LRRC1: variants seen among roughly 807,000 people sequenced by gnomAD.
LRRC1 encodes leucine rich repeat containing 1.
In LRRC1, 28 loss-of-function variants were observed where a neutral mutation model predicts 69.9. That is an observed-to-expected ratio of 0.40 (90% confidence interval 0.30 to 0.55). LRRC1 has a LOEUF of 0.55. Among genes scored for constraint, LRRC1 ranks in the 20% least tolerant of loss-of-function variants. The pLI is 0.47. For synonymous variants in LRRC1, 236 were observed against 240.2 expected, an observed-to-expected ratio of 0.98 and a Z score of 0.16; for missense variants, 498 against 609.0, an observed-to-expected ratio of 0.82 and a Z score of 1.92.
chr6:53,855,622 T>C (rs1193947302), intron 2 of LRRC1, among the ~76,000 whole-genome samples: 5 of 152,198 alleles, frequency 3.3e-5, no homozygotes, highest in African/African-American at 4.8e-5. Flanking sequence ...GTGGTGTGCC[T>C]GTTTACCTGG....
chr6:53,842,926 T>C (rs1241399328), intron 2 of LRRC1, among the ~76,000 whole-genome samples: 1 of 152,246 alleles, frequency 6.6e-6, no homozygotes, highest in Non-Finnish European at 1.5e-5. Flanking sequence ...TCCTAATAGA[T>C]ACCCCAATGG....
At chr6:53,887,802 G>A (rs1193482520) in intron 4 of LRRC1, among the ~76,000 whole-genome samples, 2 of 152,094 alleles carry the variant, frequency 1.3e-5, no homozygotes, top group African/African-American at 4.8e-5. Context: ...AAAAAGTTGG[G>A]GTATAATTAA....
chr6:53,879,034 C>A lies in LRRC1; in HGVS notation c.319C>A (p.Leu107Met), dbSNP rs1383045350. 1 of 1,613,402 alleles carries A rather than the reference C, an allele frequency of 6.2e-7. No homozygotes were observed. ...AGAAAGCATTTCATTCTGTAAAGCACTGCAGGTAGCTGACTTCAGCGGAAA... is the reference window on the plus strand; with the variant it reads ...AGAAAGCATTTCATTCTGTAAAGCAATGCAGGTAGCTGACTTCAGCGGAAA... Reference protein sequence around the residue: ...IPESISFCKALQVADFSGNPL... With the variant: ...IPESISFCKAMQVADFSGNPL... Residue 107 changes from leucine (L) to methionine (M), a missense_variant, in exon 3 of 14, where the codon CTG becomes ATG. By Grantham distance (15) the Leu-to-Met change is conservative. Transcript: ENST00000370888.
At chr6:53,914,010 A>C (rs1264491031) in intron 11 of LRRC1, 41 bp downstream of exon 11, 1 of 1,358,052 alleles carries the variant, frequency 7.4e-7, no homozygotes, top group South Asian at 1.2e-5. Flanking sequence ...GGAAACAAAT[A>C]TACATACATC....
In LRRC1 at chr6:53,795,188, C is replaced by T. The variant is rs1324795008; in HGVS notation, c.-69C>T. 3 of 1,417,690 alleles carry T rather than the reference C, an allele frequency of 2.1e-6. No individual in the cohort carries two copies. Among genetic ancestry groups the T allele is most frequent in the Non-Finnish European group, 2.8e-6 (3 of 1,062,514 alleles). The allele number at this position is 1,417,690 out of a possible 1,614,324, so 87.8% of individuals were successfully genotyped here. ...AGGGCAGCGGACTGAGCGGAGCCGC[C>T]GGCCAGAGCGGGCTCGGAGCCCGGG... On this transcript the variant is annotated 5_prime_UTR_variant, in exon 1 of 14. Transcript: ENST00000370888.
chr6:53,904,784 A>G (rs1417803217), intron 10 of LRRC1: 1 of 168,272 alleles, frequency 5.9e-6, no homozygotes, highest in East Asian at 1.6e-4. Flanking sequence ...GAGGAAGTGG[A>G]TGCCTTTGGG....
chr6:53,908,695 C>A (rs1768314603), intron 10 of LRRC1, among the ~76,000 whole-genome samples: 1 of 152,156 alleles, frequency 6.6e-6, no homozygotes, highest in Middle Eastern at 3.4e-3. Flanking sequence ...CCTTTACTTT[C>A]TTGAAAGGGG....
In LRRC1 at chr6:53,811,347, G is replaced by A. The variant is rs113560992; in HGVS notation, c.159+15932G>A. On this transcript the variant is annotated intron_variant, in intron 1 of 13. Coordinates refer to ENST00000370888, the MANE Select transcript of LRRC1 (RefSeq NM_018214.5). ...TGTTTGCTATCCACCTGAGAGGCAG[G>A]TGACGATGGTGGCTGAGTCAGCATG... Among the ~76,000 whole-genome samples, 1,223 of 152,318 alleles carry A rather than the reference G, an allele frequency of 8.0e-3. 11 individuals are homozygous for A. The highest frequency in any genetic ancestry group is 0.027 in the African/African-American group (1,112 of 41,570).
chr6:53,857,628 C>T, intron 2 of LRRC1, among the ~76,000 whole-genome samples: 1 of 152,176 alleles, frequency 6.6e-6, no homozygotes, highest in East Asian at 1.9e-4. Flanking sequence ...GCAGCACATT[C>T]AGAAGGGCTG....
chr6:53,802,365 C>T (rs982895173), intron 1 of LRRC1, among the ~76,000 whole-genome samples: 8 of 152,148 alleles, frequency 5.3e-5, no homozygotes, highest in Admixed American at 3.3e-4. Context: ...AAGTTTTTAC[C>T]GCTGGGAGCC....
Position 53,886,420 on chromosome 6 carries a change from T to C in LRRC1, c.446+3444T>C, listed in dbSNP as rs9463992. Among the ~76,000 whole-genome samples, 694 of 152,266 alleles carry C rather than the reference T, an allele frequency of 4.6e-3. 8 individuals are homozygous for C. The highest frequency in any genetic ancestry group is 0.041 in the East Asian group (213 of 5,188). On this transcript the variant is annotated intron_variant, in intron 4 of 13. Coordinates refer to ENST00000370888, the MANE Select transcript of LRRC1 (RefSeq NM_018214.5). ...ATTTACCTAATTTTTGGAGAACCAG[T>C]GAGGGATGGCAGTTATAATGGTGGT...
chr6:53,908,755 T>C (rs961411794), intron 10 of LRRC1, among the ~76,000 whole-genome samples: 35 of 152,276 alleles, frequency 2.3e-4, no homozygotes, highest in Admixed American at 2.1e-3. Context: ...CTTTACTCTA[T>C]TAGAAGTTCT....
intron 4 of LRRC1, 67 bp downstream of exon 4, chr6:53,883,043 C>G (rs1562058807): frequency 2.1e-6 from 2 of 941,908 alleles, no homozygotes; most frequent in South Asian, 3.1e-5. Context: ...GCTCTAGCCT[C>G]CTTCCCTTTT....
chr6:53,856,860 T>C (rs1392752906), intron 2 of LRRC1, among the ~76,000 whole-genome samples: 1 of 151,978 alleles, frequency 6.6e-6, no homozygotes, highest in Non-Finnish European at 1.5e-5. Context: ...GTGGAGGGCC[T>C]TGAGAGGGGA....
intron 1 of LRRC1, among the ~76,000 whole-genome samples, chr6:53,804,810 T>C (rs569462188): frequency 6.6e-6 from 1 of 152,364 alleles, no homozygotes; most frequent in South Asian, 2.1e-4. Context: ...CTTTACAAAA[T>C]ATTGCTAGAT....
intron 4 of LRRC1, among the ~76,000 whole-genome samples, chr6:53,884,411 G>T (rs71558839): frequency 3.3e-5 from 5 of 152,182 alleles, no homozygotes; most frequent in African/African-American, 1.2e-4. Context: ...GAAGGTTGAG[G>T]AGGAAGGATC....
In LRRC1 at chr6:53,911,515, C is replaced by T. The variant is rs79762002; in HGVS notation, c.991-2339C>T. 8.0e-3 allele frequency among the ~76,000 whole-genome samples: 1,217 copies of T among 152,278 alleles called. 14 individuals are homozygous for T. Among genetic ancestry groups the T allele is most frequent in the African/African-American group, 0.027 (1,104 of 41,556 alleles). On this transcript the variant is annotated intron_variant, in intron 10 of 13. Coordinates refer to ENST00000370888, the MANE Select transcript of LRRC1 (RefSeq NM_018214.5). ...TCTTCCAGGAGCTGATTATCCCATC[C>T]GGACGATCATATGAATGATAATATC...
chr6:53,875,429 CTATT>C (rs928266510), intron 2 of LRRC1, among the ~76,000 whole-genome samples: 18 of 151,874 alleles, frequency 1.2e-4, no homozygotes, highest in African/African-American at 3.6e-4. Context: ...GAAATATAAT[CTATT>C]TATACACATA....
chr6:53,840,869 T>TG (rs944313160), intron 1 of LRRC1, among the ~76,000 whole-genome samples: 1 of 138,182 alleles, frequency 7.2e-6, no homozygotes, highest in Non-Finnish European at 1.6e-5. Flanking sequence ...TCCTCTGGGG[T>TG]GGGGGGGTAT....
Sources: allele counts gnomAD v4.1 joint callset (sites outside exome capture counted in the v4.1 genomes callset), GRCh38; gene constraint gnomAD v4.1.1; transcripts MANE v1.5; gene names NCBI Gene and HGNC (gene_info 2026-07-23, HGNC 2026-07-21).